The following RASA1 variants were observed in gnomAD, a reference collection of about 807,000 sequenced individuals.
RASA1 encodes ras GTPase-activating protein 1.
A neutral mutation model predicts 132.2 loss-of-function variants in RASA1; 25 were observed. The observed-to-expected ratio is 0.19, with a 90% CI of 0.14 to 0.26. RASA1 has a LOEUF of 0.26. Among genes scored for constraint, RASA1 ranks in the 10% least tolerant of loss-of-function variants. RASA1 has a pLI of 1.00. For synonymous variants in RASA1, 477 were observed against 449.9 expected (o/e 1.06, Z -0.76); for missense variants, 964 against 1,299.2 (o/e 0.74, Z 3.97).
At chr5:87,372,560 T>G (rs1040110579) in intron 13 of RASA1, among the ~76,000 whole-genome samples, 1 of 152,184 alleles carries the variant, frequency 6.6e-6, no homozygotes, top group Non-Finnish European at 1.5e-5. Context: ...TAAACTTTTT[T>G]GGGATTTTCA....
In RASA1 at chr5:87,333,351, T is replaced by A; in HGVS notation, c.899+14T>A. The A allele has an allele frequency of 6.2e-7, 1 of 1,612,406 alleles. No individual in the cohort carries two copies. Among genetic ancestry groups the A allele is most frequent in the Non-Finnish European group, 8.5e-7 (1 of 1,179,072 alleles). ...TGATGAAATAAGGTATTTTATAATC[T>A]ATTCTCATGTATAGGCATTTGAAAG... On this transcript the variant is annotated intron_variant, in intron 4 of 24. Transcript: ENST00000274376.
intron 1 of RASA1, chr5:87,269,254 G>C (rs1753714984): frequency 4.5e-6 from 7 of 1,540,324 alleles, no homozygotes; most frequent in Admixed American, 2.0e-5. Flanking sequence ...TATCTAATGA[G>C]AACCGGATAT....
rs1385313017 is a variant in RASA1 at position 87,323,120 on chromosome 5, CTG to C, written c.540-8225_540-8224del. Among the ~76,000 whole-genome samples the C allele has an allele frequency of 2.0e-5, 3 of 152,062 alleles. No homozygotes were observed. The East Asian group carries it at 5.8e-4, about 29-fold the overall frequency. ...TGATGGATAACTGATATTTCCATGACTGTGAATAAATACAGAAATGGAAAATT... is the reference window on the plus strand; with the variant it reads ...TGATGGATAACTGATATTTCCATGACTGAATAAATACAGAAATGGAAAATT... On this transcript the variant is annotated intron_variant, in intron 1 of 24. Coordinates refer to ENST00000274376, the MANE Select transcript of RASA1 (RefSeq NM_002890.3).
intron 1 of RASA1, among the ~76,000 whole-genome samples, chr5:87,287,521 T>C (rs867402166): frequency 1.4e-5 from 2 of 146,500 alleles, no homozygotes; most frequent in Middle Eastern, 4.0e-3. Context: ...CCACCATATA[T>C]ATACCATATA....
chr5:87,310,586 T>C (rs1755833924), intron 1 of RASA1, among the ~76,000 whole-genome samples: 1 of 152,168 alleles, frequency 6.6e-6, no homozygotes, highest in South Asian at 2.1e-4. Context: ...TTGTTTTTCA[T>C]GTAAGCGCTG....
At chr5:87,380,390 T>C in intron 19 of RASA1, 119 bp from the exon 20 acceptor site, 1 of 910,660 alleles carries the variant, frequency 1.1e-6, no homozygotes, top group Non-Finnish European at 1.8e-6. Context: ...AATACTTTTT[T>C]GGGTAAAAGG....
At chr5:87,305,953 G>A (rs1204940632) in intron 1 of RASA1, among the ~76,000 whole-genome samples, 1 of 152,218 alleles carries the variant, frequency 6.6e-6, no homozygotes, top group East Asian at 1.9e-4. Flanking sequence ...GTGTTATTAA[G>A]AAGTCAGAAA....
intron 24 of RASA1, 32 bp downstream of exon 24, chr5:87,389,559 T>A (rs753954800): frequency 1.2e-6 from 2 of 1,609,306 alleles, no homozygotes; most frequent in Non-Finnish European, 1.7e-6. Context: ...TTAACAATGA[T>A]GTTTCAAAGA....
At chr5:87,322,412 C>G (rs1756893105) in intron 1 of RASA1, among the ~76,000 whole-genome samples, 1 of 152,206 alleles carries the variant, frequency 6.6e-6, no homozygotes, top group African/African-American at 2.4e-5. Context: ...ATGATCTGAG[C>G]TGAAACAGTT....
At chr5:87,282,995 C>T (rs896087126) in intron 1 of RASA1, among the ~76,000 whole-genome samples, 7 of 151,988 alleles carry the variant, frequency 4.6e-5, no homozygotes, top group African/African-American at 1.7e-4. Flanking sequence ...AAAACACAAT[C>T]GTAGCAATTT....
chr5:87,306,002 C>G (rs1373127038), intron 1 of RASA1, among the ~76,000 whole-genome samples: 1 of 152,160 alleles, frequency 6.6e-6, no homozygotes, highest in Non-Finnish European at 1.5e-5. Flanking sequence ...AAAAGGAATG[C>G]TTATACGCAG....
At chr5:87,274,489 A>T (rs1410586231) in intron 1 of RASA1, among the ~76,000 whole-genome samples, 1 of 152,152 alleles carries the variant, frequency 6.6e-6, no homozygotes, top group Admixed American at 6.5e-5. Context: ...ACGGACAATG[A>T]TTGATGACCA....
At chr5:87,283,978 T>C (rs1469209218) in intron 1 of RASA1, among the ~76,000 whole-genome samples, 2 of 152,170 alleles carry the variant, frequency 1.3e-5, no homozygotes, top group African/African-American at 2.4e-5. Context: ...TTGATACTTC[T>C]GTGTATGCAT....
At chr5:87,307,696 TTTC>T (rs1755684508) in intron 1 of RASA1, among the ~76,000 whole-genome samples, 1 of 152,228 alleles carries the variant, frequency 6.6e-6, no homozygotes, top group South Asian at 2.1e-4. Flanking sequence ...TTTGTGACTT[TTTC>T]TTCTTTGATC....
At chr5:87,281,541 A>T (rs748760224) in intron 1 of RASA1, among the ~76,000 whole-genome samples, 3 of 151,526 alleles carry the variant, frequency 2.0e-5, no homozygotes, top group Non-Finnish European at 4.4e-5. Context: ...ATTTATATAT[A>T]TATCTTTTTT....
In RASA1 at chr5:87,268,005, C is replaced by T. The variant is rs2112221221; in HGVS notation, c.-447C>T. ...GAGGATGAAGCGGCTGCAGTGGCCC[C>T]AGCCTCAGCAGCGGCACCGGCGGTG... On this transcript the variant is annotated 5_prime_UTR_variant, in exon 1 of 25. The change creates a premature stop within an existing upstream ORF in the 5' untranslated region. Transcript: ENST00000274376. The T allele has an allele frequency of 7.4e-6, 3 of 407,382 alleles. No homozygotes were observed. Among genetic ancestry groups the T allele is most frequent in the Middle Eastern group, 6.2e-4 (1 of 1,604 alleles). The allele number at this position is 407,382 out of a possible 1,614,324, so 25.2% of individuals were successfully genotyped here. A position where few individuals can be genotyped will look rare whatever the true frequency, so the allele number is the denominator to read the frequency against.
At chr5:87,339,362 G>A (rs1216863056) in intron 5 of RASA1, among the ~76,000 whole-genome samples, 1 of 152,074 alleles carries the variant, frequency 6.6e-6, no homozygotes, top group African/African-American at 2.4e-5. Flanking sequence ...TTAGTATTCT[G>A]TATTCTACAG....
At chr5:87,326,284 A>G (rs1757224423) in intron 1 of RASA1, among the ~76,000 whole-genome samples, 1 of 152,146 alleles carries the variant, frequency 6.6e-6, no homozygotes. Context: ...GCACACATTT[A>G]TAAAAAATGT....
At chr5:87,333,810 A>T (rs760643251) in intron 4 of RASA1, among the ~76,000 whole-genome samples, 1 of 152,142 alleles carries the variant, frequency 6.6e-6, no homozygotes, top group Admixed American at 6.5e-5. Flanking sequence ...TCTATAAGCT[A>T]TTTAATTTTC....
Sources: allele counts gnomAD v4.1 joint callset (sites outside exome capture counted in the v4.1 genomes callset), GRCh38; gene constraint gnomAD v4.1.1; transcripts MANE v1.5; gene names NCBI Gene and HGNC (gene_info 2026-07-23, HGNC 2026-07-21).